The following KIFC1 variants were observed in gnomAD, a reference collection of about 807,000 sequenced individuals.
KIFC1 encodes the protein kinesin-like protein KIFC1.
In KIFC1, 37 loss-of-function variants were observed where a neutral mutation model predicts 66.6. That is an observed-to-expected ratio of 0.56 (90% CI 0.43 to 0.73). The LOEUF is 0.73. Among genes scored for constraint, KIFC1 ranks in the 30% least tolerant of loss-of-function variants. KIFC1 has a pLI of 0.00. For synonymous variants in KIFC1, 325 were observed against 343.5 expected (o/e 0.95, Z 0.60); for missense variants, 721 against 859.8 (o/e 0.84, Z 2.02).
Position 33,405,049 on chromosome 6 carries a change from C to T in KIFC1, c.954C>T (p.Arg318=). ...ACATCCGTGTATTCTGCCGGGTCCG[C>T]CCTGTCCTGCCGGGGGAGCCCACTC... is the stretch of plus-strand genomic sequence containing the variant. ...KGNIRVFCRV[R]PVLPGEPTPP... Residue 318 remains arginine (R), a synonymous_variant, in exon 7 of 11, where the codon CGC becomes CGT. Transcript: ENST00000428849. This position sits in a 1 kb window ranked among gnomAD's most constrained non-coding sequence, Gnocchi z 5.4. 1.2e-6 allele frequency: 2 copies of T among 1,614,128 alleles called. No individual in the cohort carries two copies. The highest frequency in any genetic ancestry group is 1.3e-5 in the African/African-American group (1 of 75,060).
Position 33,403,657 on chromosome 6 carries a change from TA to T in KIFC1, c.356-69del. The T allele has an allele frequency of 6.3e-7, 1 of 1,590,006 alleles. No individual in the cohort carries two copies. The highest frequency in any genetic ancestry group is 8.6e-7 in the Non-Finnish European group (1 of 1,160,028). ...GATGTAGCATCAGGTGTGGATCCCA[TA>T]AAGGCTAGAAGGGAGGAGGGATAGA... On this transcript the variant is annotated intron_variant, in intron 5 of 10. Transcript: ENST00000428849. The surrounding 1 kb of genome is among the most constrained non-coding windows in gnomAD (Gnocchi z 4.6).
intron 10 of KIFC1, among the ~76,000 whole-genome samples, chr6:33,408,948 G>A (rs892543828): frequency 5.9e-5 from 9 of 152,146 alleles, no homozygotes; most frequent in Non-Finnish European, 8.8e-5. Flanking sequence ...TGAGGTGGGT[G>A]GATCACGAGG....
chr6:33,405,346 C>G lies in KIFC1; in HGVS notation c.1251C>G (p.Thr417=). ...FAYGQTGSGK[T]FTMEGGPGGD... Reference sequence around the variant, plus strand: ...ATGGCCAGACAGGCAGTGGCAAGACCTTCACAATGGAGGGTGGGCCTGGGG... The same window carrying G: ...ATGGCCAGACAGGCAGTGGCAAGACGTTCACAATGGAGGGTGGGCCTGGGG... Residue 417 remains threonine (T), a synonymous_variant, in exon 7 of 11, where the codon ACC becomes ACG. Transcript: ENST00000428849. This position sits in a 1 kb window ranked among gnomAD's most constrained non-coding sequence, Gnocchi z 5.4. The G allele has an allele frequency of 1.9e-6, 3 of 1,613,472 alleles. No homozygotes were observed. The highest frequency in any genetic ancestry group is 2.5e-6 in the Non-Finnish European group (3 of 1,179,528).
chr6:33,397,557 A>T (rs1014126907), intron 1 of KIFC1, among the ~76,000 whole-genome samples: 2 of 152,238 alleles, frequency 1.3e-5, no homozygotes, highest in Admixed American at 6.5e-5. Context: ...CTGCCTCCCA[A>T]AGTGCTGGGA....
chr6:33,404,852 A>G lies in KIFC1; in HGVS notation c.757A>G (p.Arg253Gly), dbSNP rs1326284543. The stretch of plus-strand genomic sequence containing the variant: ...GTATGTTGTGTTCTCTTCTGGGCAG[A>G]GGAGGCTGCAGACATCAGAAGCAGC... ...GLMSQLEEKERRLQTSEAALS... is the reference protein window; with the variant it reads ...GLMSQLEEKEGRLQTSEAALS... The change falls in exon 7 of 11, where the codon AGG becomes GGG. Residue 253 changes from arginine (R) to glycine (G), a missense_variant and splice_region_variant. Transcript: ENST00000428849. The surrounding 1 kb of genome is among the most constrained non-coding windows in gnomAD (Gnocchi z 4.0). The G allele has an allele frequency of 8.7e-6, 14 of 1,603,544 alleles. No individual in the cohort carries two copies. The highest frequency in any genetic ancestry group is 1.1e-5 in the Non-Finnish European group (13 of 1,173,756).
Position 33,401,981 on chromosome 6 carries a change from A to C in KIFC1, c.251-1333A>C, listed in dbSNP as rs1436681512. On this transcript the variant is annotated intron_variant, in intron 3 of 10. Coordinates refer to ENST00000428849, the MANE Select transcript of KIFC1 (RefSeq NM_002263.4). The surrounding 1 kb of genome is among the most constrained non-coding windows in gnomAD (Gnocchi z 4.5). ...CGGCCTCCCAAAGTGCTGGGATTAC[A>C]GGCGTGAGCCACAGTGCCTGGCCTG... 6.6e-6 allele frequency among the ~76,000 whole-genome samples: 1 copy of C among 152,212 alleles called. No individual in the cohort carries two copies. Among genetic ancestry groups the C allele is most frequent in the Admixed American group, 6.5e-5 (1 of 15,278 alleles).
Position 33,409,703 on chromosome 6 carries a change from A to ATGTGTG in KIFC1, c.*14_*15insGTGTGT, listed in dbSNP as rs1554300493. The ATGTGTG allele has an allele frequency of 3.0e-6, 4 of 1,332,640 alleles. No homozygotes were observed. In the African/African-American group the frequency reaches 5.5e-5, roughly 18 times the overall value. The allele number at this position is 1,332,640 out of a possible 1,614,324, so 82.6% of individuals were successfully genotyped here. The stretch of plus-strand genomic sequence containing the variant: ...CAACAGGAAGTGAAGACGGATCCAG[A>ATGTGTG]TCTGTGTGTGTGTGTGTGTGTGTGT... On this transcript the variant is annotated 3_prime_UTR_variant, in exon 11 of 11. Transcript: ENST00000428849.
rs868775610 is a variant in KIFC1 at position 33,403,149 on chromosome 6, C to G, written c.251-165C>G. 2.0e-5 allele frequency among the ~76,000 whole-genome samples: 3 copies of G among 152,058 alleles called. No individual in the cohort carries two copies. Among genetic ancestry groups the G allele is most frequent in the Non-Finnish European group, 4.4e-5 (3 of 68,002 alleles). ...TGAGGGATGACTGTAATTTCTGGTT[C>G]TAGGGGAGGTATCATTAGGAGCTGG... On this transcript the variant is annotated intron_variant, in intron 3 of 10. Transcript: ENST00000428849. The surrounding 1 kb of genome is among the most constrained non-coding windows in gnomAD (Gnocchi z 4.6).
In KIFC1 at chr6:33,403,967, G is replaced by C. The variant is rs770033145; in HGVS notation, c.594G>C (p.Gln198His). ...GGCATTTAGCCAAGGTACAGGCCCA[G>C]GCTGAGCAGGGCCAACAGGAGCTGA... ...LEGHLAKVQAQAEQGQQELKN... is the reference protein window; with the variant it reads ...LEGHLAKVQAHAEQGQQELKN... Residue 198 changes from glutamine to histidine, a missense_variant, in exon 6 of 11, where the codon CAG becomes CAC. Coordinates refer to ENST00000428849, the MANE Select transcript of KIFC1 (RefSeq NM_002263.4). The surrounding 1 kb of genome is among the most constrained non-coding windows in gnomAD (Gnocchi z 4.6). 2 of 1,614,250 alleles carry C rather than the reference G, an allele frequency of 1.2e-6. No homozygotes were observed. The highest frequency in any genetic ancestry group is 2.2e-5 in the East Asian group (1 of 44,892).
Position 33,406,464 on chromosome 6 carries a change from T to C in KIFC1, c.1805T>C (p.Val602Ala). 1 of 1,597,602 alleles carries C rather than the reference T, an allele frequency of 6.3e-7. No homozygotes were observed. The highest frequency in any genetic ancestry group is 8.6e-7 in the Non-Finnish European group (1 of 1,169,452). Residue 602 changes from valine (V) to alanine (A), a missense_variant, in exon 8 of 11, where the codon GTT becomes GCT. Coordinates refer to ENST00000428849, the MANE Select transcript of KIFC1 (RefSeq NM_002263.4). This position sits in a 1 kb window ranked among gnomAD's most constrained non-coding sequence, Gnocchi z 4.5. ...AGCAGCCTGTCCACGCTGGGGCTGG[T>C]TATCATGGCCCTGAGCAACAAGGTG... ...INSSLSTLGL[V>A]IMALSNKESH... is the part of the protein sequence containing the mutation.
chr6:33,398,475 T>TG (rs1262700559), intron 3 of KIFC1, 88 bp downstream of exon 3: 11 of 1,029,490 alleles, frequency 1.1e-5, no homozygotes, highest in Non-Finnish European at 1.6e-5. Context: ...TTTTATTTTA[T>TG]TTTTTTTGAG....
At chr6:33,393,436 T>C (rs1774883116) in intron 1 of KIFC1, among the ~76,000 whole-genome samples, 1 of 42,526 alleles carries the variant, frequency 2.4e-5, no homozygotes, top group Non-Finnish European at 6.5e-5. Flanking sequence ...ACCATTGCCT[T>C]TTTTTTTTTT....
rs1376514579 is a variant in KIFC1, at chr6:33,401,091, G to A, written c.251-2223G>A. ...TTTGGGCGGGGAGCATATATTCAGG[G>A]CAATATGAATCTCTGTCTCCTGGCT... is the stretch of plus-strand genomic sequence containing the variant. On this transcript the variant is annotated intron_variant, in intron 3 of 10. Transcript: ENST00000428849. The surrounding 1 kb of genome is among the most constrained non-coding windows in gnomAD (Gnocchi z 4.5). Among the ~76,000 whole-genome samples, 1 of 152,004 alleles carries A rather than the reference G, an allele frequency of 6.6e-6. No homozygotes were observed. The highest frequency in any genetic ancestry group is 1.5e-5 in the Non-Finnish European group (1 of 68,006).
chr6:33,405,585 T>A lies in KIFC1; in HGVS notation c.1490T>A (p.Leu497His). 1 of 1,556,994 alleles carries A rather than the reference T, an allele frequency of 6.4e-7. No homozygotes were observed. The highest frequency in any genetic ancestry group is 8.7e-7 in the Non-Finnish European group (1 of 1,154,820). ...IRRAGPGSEELTVTNARYVPV... is the reference protein window; with the variant it reads ...IRRAGPGSEEHTVTNARYVPV... Reference sequence around the variant, plus strand: ...CGTGCAGGGCCAGGGAGTGAGGAGCTCACTGTCACCAATGCTCGATATGTC... The same window carrying A: ...CGTGCAGGGCCAGGGAGTGAGGAGCACACTGTCACCAATGCTCGATATGTC... The change falls in exon 7 of 11, where the codon CTC becomes CAC. Residue 497 changes from leucine (L) to histidine (H), a missense_variant. By Grantham distance (99) the Leu-to-His change is moderately conservative (BLOSUM62 -3). Coordinates refer to ENST00000428849, the MANE Select transcript of KIFC1 (RefSeq NM_002263.4). The surrounding 1 kb of genome is among the most constrained non-coding windows in gnomAD (Gnocchi z 5.4).
chr6:33,392,094 C>T (rs1774815958), intron 1 of KIFC1, 97 bp downstream of exon 1: 1 of 1,379,464 alleles, frequency 7.2e-7, no homozygotes, highest in South Asian at 1.2e-5. Flanking sequence ...CGGCCTTTGT[C>T]ATGTCTACCG....
chr6:33,409,612 CAA>C (rs1229522948), intron 10 of KIFC1, 32 bp from the exon 11 acceptor site: 2 of 1,608,674 alleles, frequency 1.2e-6, no homozygotes, highest in Non-Finnish European at 1.7e-6. Context: ...GGTTACGCTG[CAA>C]ACTTTTATCC....
At chr6:33,409,068 C>G (rs1051660304) in intron 10 of KIFC1, among the ~76,000 whole-genome samples, 1 of 152,168 alleles carries the variant, frequency 6.6e-6, no homozygotes, top group African/African-American at 2.4e-5. Context: ...CTTTGGGAGT[C>G]TGAGGCAGAA....
chr6:33,397,855 T>G (rs545299066), intron 1 of KIFC1, among the ~76,000 whole-genome samples, 174 bp from the exon 2 acceptor site: 1 of 152,292 alleles, frequency 6.6e-6, no homozygotes, highest in African/African-American at 2.4e-5. Context: ...ATTCCCACTT[T>G]TAGGTTATGT....
Position 33,406,869 on chromosome 6 carries a change from C to G in KIFC1, c.1971C>G (p.Ala657=). Residue 657 remains alanine (A), a synonymous_variant, in exon 10 of 11, where the codon GCC becomes GCG. Coordinates refer to ENST00000428849, the MANE Select transcript of KIFC1 (RefSeq NM_002263.4). This position sits in a 1 kb window ranked among gnomAD's most constrained non-coding sequence, Gnocchi z 4.5. ...VSESLNSLRF[A]SKVNQCVIGT... ...AGTCCCTCAACTCTCTACGCTTTGCCTCCAAGGTGCGATTACCACCCGTCA... is the reference window on the plus strand; with the variant it reads ...AGTCCCTCAACTCTCTACGCTTTGCGTCCAAGGTGCGATTACCACCCGTCA... 6.2e-7 allele frequency: 1 copy of G among 1,614,118 alleles called. No individual in the cohort carries two copies. Among genetic ancestry groups the G allele is most frequent in the Non-Finnish European group, 8.5e-7 (1 of 1,180,024 alleles).
Sources: gnomAD v4.1 joint callset for allele counts (sites outside exome capture counted in the v4.1 genomes callset) on GRCh38, gnomAD v4.1.1 for gene constraint, Gnocchi (gnomAD v3.1) non-coding constraint, MANE v1.5 for transcripts, NCBI Gene and HGNC (gene_info 2026-07-23, HGNC 2026-07-21) for gene names.